Variants in ANTXR2 observed in about 807,000 individuals in gnomAD.
ANTXR2 encodes the protein anthrax toxin receptor 2.
ANTXR2 carries 44 observed loss-of-function variants against 73.7 expected under a neutral mutation model. That is an observed-to-expected ratio of 0.60 (90% CI 0.47 to 0.77). ANTXR2 has a LOEUF of 0.77. ANTXR2 is among the 30% of genes least tolerant of loss of function. The pLI is 0.00. For synonymous variants in ANTXR2, 217 were observed against 205.9 expected, an observed-to-expected ratio of 1.05 and a Z score of -0.46; for missense variants, 604 against 592.5, an observed-to-expected ratio of 1.02 and a Z score of -0.20.
In ANTXR2 at chr4:80,054,337, C is replaced by A; in HGVS notation, c.571G>T (p.Asp191Tyr). Residue 191 changes from aspartate to tyrosine, a missense_variant, in exon 7 of 17, where the codon GAT becomes TAT. Asp to Tyr is a radical substitution (Grantham distance 160). Coordinates refer to ENST00000403729, the MANE Select transcript of ANTXR2 (RefSeq NM_058172.6). ...ACAGGGAAAACTTGCTCCTTGGAATCAGCAATTCTTTCAAGCTTTAGAAAG... is the reference window on the plus strand; with the variant it reads ...ACAGGGAAAACTTGCTCCTTGGAATAAGCAATTCTTTCAAGCTTTAGAAAG... ...FEQAQLERIADSKEQVFPVKG... is the reference protein window; with the variant it reads ...FEQAQLERIAYSKEQVFPVKG... 6.3e-7 allele frequency: 1 copy of A among 1,590,356 alleles called. No individual in the cohort carries two copies. The highest frequency in any genetic ancestry group is 1.2e-5 in the South Asian group (1 of 86,806).
chr4:79,930,897 T>C (rs150442830), intron 16 of ANTXR2, among the ~76,000 whole-genome samples: 2 of 152,374 alleles, frequency 1.3e-5, no homozygotes, highest in African/African-American at 4.8e-5. Context: ...CTTACAGCTC[T>C]AAAGTGTATT....
intron 12 of ANTXR2, among the ~76,000 whole-genome samples, chr4:79,987,944 T>C (rs907710585): frequency 6.6e-6 from 1 of 152,132 alleles, no homozygotes; most frequent in Admixed American, 6.5e-5. Context: ...CTATCAGTTA[T>C]GTTTACAAGA....
intron 12 of ANTXR2, among the ~76,000 whole-genome samples, chr4:80,000,418 A>G (rs934883357): frequency 6.6e-6 from 1 of 152,072 alleles, no homozygotes; most frequent in Non-Finnish European, 1.5e-5. Context: ...AAGTAAAGCA[A>G]TATCAATTTT....
Position 79,972,920 on chromosome 4 carries a change from TAA to T in ANTXR2, c.1428+4699_1428+4700del, listed in dbSNP as rs746252575. Among the ~76,000 whole-genome samples the T allele has an allele frequency of 5.5e-4, 29 of 53,158 alleles. 6 individuals are homozygous for T. The highest frequency in any genetic ancestry group is 9.2e-4 in the Non-Finnish European group (27 of 29,508). The allele number at this position is 53,158 out of a possible 152,430, so 34.9% of individuals were successfully genotyped here. A position where few individuals can be genotyped will look rare whatever the true frequency, so the allele number is the denominator to read the frequency against. ...ATGTACCCTAAAACTTAGAGTATAA[TAA>T]AAAAAAAAAAAAAAAAAGAATAGGG... is the stretch of plus-strand genomic sequence containing the variant. On this transcript the variant is annotated intron_variant, in intron 16 of 16. Transcript: ENST00000403729.
intron 16 of ANTXR2, among the ~76,000 whole-genome samples, chr4:79,966,472 G>A (rs965262599): frequency 6.6e-6 from 1 of 152,142 alleles, no homozygotes; most frequent in Non-Finnish European, 1.5e-5. Flanking sequence ...ATTTTAATAT[G>A]ATGCATCCAA....
At chr4:79,973,853 C>T (rs1157322996) in intron 16 of ANTXR2, among the ~76,000 whole-genome samples, 2 of 152,222 alleles carry the variant, frequency 1.3e-5, no homozygotes, top group Admixed American at 6.5e-5. Context: ...ATGCTGATAA[C>T]TACAGATTTC....
chr4:79,964,706 A>G (rs1729285341), intron 16 of ANTXR2: 1 of 152,208 alleles, frequency 6.6e-6, no homozygotes, highest in Non-Finnish European at 1.5e-5. Context: ...GTGAGACCAA[A>G]ACGGTTTTGC....
At chr4:79,925,197 CA>C (rs1727736649) in intron 16 of ANTXR2, among the ~76,000 whole-genome samples, 1 of 151,780 alleles carries the variant, frequency 6.6e-6, no homozygotes, top group African/African-American at 2.4e-5. Flanking sequence ...CTGACAACAT[CA>C]ATGCACCTTG....
rs1726768724 is a variant in ANTXR2, at chr4:79,903,055, A to T, written c.*4374T>A. ...TCCCAGCTACTCAGGAGGCTGAGGG[A>T]TGAGAATCACTTGAACCCAGGAAGA... On this transcript the variant is annotated 3_prime_UTR_variant, in exon 17 of 17. Transcript: ENST00000403729. 1 of 151,986 alleles carries T rather than the reference A, an allele frequency of 6.6e-6. No homozygotes were observed. Among genetic ancestry groups the T allele is most frequent in the Non-Finnish European group, 1.5e-5 (1 of 68,090 alleles). The allele number at this position is 151,986 out of a possible 1,614,324, so 9.4% of individuals were successfully genotyped here.
intron 10 of ANTXR2, among the ~76,000 whole-genome samples, chr4:80,031,109 A>G (rs1732669198): frequency 1.3e-5 from 2 of 152,066 alleles, no homozygotes; most frequent in Admixed American, 1.3e-4. Context: ...CCTTAACAGA[A>G]ATGGAACACA....
At chr4:79,957,156 T>C (rs1336016901) in intron 16 of ANTXR2, among the ~76,000 whole-genome samples, 2 of 152,098 alleles carry the variant, frequency 1.3e-5, no homozygotes, top group Non-Finnish European at 2.9e-5. Flanking sequence ...AAAACACATA[T>C]TATTTCCATT....
intron 16 of ANTXR2, among the ~76,000 whole-genome samples, chr4:79,977,164 G>A (rs776226881): frequency 5.3e-5 from 8 of 152,118 alleles, no homozygotes; most frequent in Non-Finnish European, 1.0e-4. Flanking sequence ...ACACTTTTAC[G>A]TAATAGTCAA....
chr4:79,964,393 C>A (rs1729267490), intron 16 of ANTXR2, among the ~76,000 whole-genome samples: 1 of 152,170 alleles, frequency 6.6e-6, no homozygotes, highest in African/African-American at 2.4e-5. Flanking sequence ...GAAAACCAAA[C>A]AAACTCCTGC....
intron 7 of ANTXR2, among the ~76,000 whole-genome samples, chr4:80,050,281 C>T (rs1293650000): frequency 6.6e-6 from 1 of 151,728 alleles, no homozygotes; most frequent in Non-Finnish European, 1.5e-5. Flanking sequence ...TACCAGCGCA[C>T]ATCCAAATGC....
At chr4:80,057,564 T>C (rs1421540069) in intron 3 of ANTXR2, among the ~76,000 whole-genome samples, 1 of 151,930 alleles carries the variant, frequency 6.6e-6, no homozygotes, top group African/African-American at 2.4e-5. Flanking sequence ...CACTCATCTC[T>C]ATTAACTCTT....
At chr4:80,019,535 G>A (rs1330450733) in intron 10 of ANTXR2, among the ~76,000 whole-genome samples, 1 of 152,108 alleles carries the variant, frequency 6.6e-6, no homozygotes, top group East Asian at 1.9e-4. Flanking sequence ...TCTAAATCCA[G>A]AAAAATGCCA....
At position 80,012,481 on chromosome 4, in the gene ANTXR2, A is replaced by G. The variant is rs141969892; in HGVS notation, c.946-3865T>C. 6.6e-3 allele frequency among the ~76,000 whole-genome samples: 1,008 copies of G among 152,214 alleles called. 6 individuals carry two copies. Among genetic ancestry groups the G allele is most frequent in the Middle Eastern group, 0.014 (4 of 294 alleles). On this transcript the variant is annotated intron_variant, in intron 11 of 16. Coordinates refer to ENST00000403729, the MANE Select transcript of ANTXR2 (RefSeq NM_058172.6). ...TGTCTATAGCTGTTTTTGCACTACA[A>G]TGGTAGAGTTAAGTAGTTGTGACAG...
At chr4:80,030,953 A>T (rs558869176) in intron 10 of ANTXR2, among the ~76,000 whole-genome samples, 6 of 152,178 alleles carry the variant, frequency 3.9e-5, no homozygotes, top group African/African-American at 1.2e-4. Context: ...AACTGAAAAA[A>T]ATCACAAATG....
intron 16 of ANTXR2, among the ~76,000 whole-genome samples, chr4:79,915,205 C>A (rs1171112355): frequency 2.0e-5 from 3 of 152,066 alleles, no homozygotes; most frequent in Non-Finnish European, 4.4e-5. Flanking sequence ...GTTAAATAAA[C>A]CAAGAGGTGA....
Sources: gnomAD v4.1 joint callset for allele counts (sites outside exome capture counted in the v4.1 genomes callset) on GRCh38, gnomAD v4.1.1 for gene constraint, MANE v1.5 for transcripts, NCBI Gene and HGNC (gene_info 2026-07-23, HGNC 2026-07-21) for gene names.